Variants in ANKRD44 observed in about 807,000 individuals in gnomAD.
The protein encoded by ANKRD44 is serine/threonine-protein phosphatase 6 regulatory ankyrin repeat subunit B.
A neutral mutation model predicts 116.0 loss-of-function variants in ANKRD44; 35 were observed. The ratio of observed to expected loss-of-function variants is 0.30; its 90% confidence interval spans 0.23 to 0.40. The LOEUF is 0.40. Among genes scored for constraint, ANKRD44 ranks in the 10% least tolerant of loss-of-function variants. The probability of loss-of-function intolerance (pLI) is 1.00; values close to 1 mark genes in which losing one functional copy is unlikely to be tolerated. For synonymous variants in ANKRD44, 435 were observed against 461.8 expected (o/e 0.94, Z 0.74); for missense variants, 1,014 against 1,242.6 (o/e 0.82, Z 2.77).
chr2:197,273,979 AAATATATATATATATATATATATAT>A (rs2082987797), intron 1 of ANKRD44, among the ~76,000 whole-genome samples: 3 of 49,996 alleles, frequency 6.0e-5, no homozygotes, highest in African/African-American at 2.4e-4. Context: ...AAAAAAAAAA[AAATATATATATATATATATATATAT>A]ATATATATAT....
At position 197,032,713 on chromosome 2, in the gene ANKRD44, ATT is replaced by A. The variant is rs1436485836; in HGVS notation, c.1651-7448_1651-7447del. Among the ~76,000 whole-genome samples the A allele has an allele frequency of 7.2e-5, 11 of 152,268 alleles. No homozygotes were observed. The East Asian group carries it at 2.1e-3, about 29-fold the overall frequency. On this transcript the variant is annotated intron_variant, in intron 16 of 27. Coordinates refer to ENST00000282272, the MANE Select transcript of ANKRD44 (RefSeq NM_001195144.2). Reference sequence around the variant, plus strand: ...GGAAGTGTCACTCTTTTATTCATTAATTTCAATAATTATTCATTGATCCCCAT... The same window carrying A: ...GGAAGTGTCACTCTTTTATTCATTAATCAATAATTATTCATTGATCCCCAT...
intron 4 of ANKRD44, among the ~76,000 whole-genome samples, chr2:197,129,481 T>C: frequency 6.6e-6 from 1 of 152,264 alleles, no homozygotes; most frequent in South Asian, 2.1e-4. Context: ...ATTCTGGTAT[T>C]TCCCCCAAAT....
At chr2:196,971,983 C>T (rs1401104808) in intron 21 of ANKRD44, among the ~76,000 whole-genome samples, 1 of 152,200 alleles carries the variant, frequency 6.6e-6, no homozygotes, top group East Asian at 1.9e-4. Context: ...TGCGCCACCA[C>T]TGCAAACACC....
intron 1 of ANKRD44, among the ~76,000 whole-genome samples, chr2:197,200,039 A>G (rs1559144058): frequency 6.6e-6 from 1 of 152,238 alleles, no homozygotes; most frequent in East Asian, 1.9e-4. Context: ...TGAAATATAC[A>G]AAAGAAATGT....
chr2:197,274,407 C>T (rs2083014095), intron 1 of ANKRD44, among the ~76,000 whole-genome samples: 1 of 152,198 alleles, frequency 6.6e-6, no homozygotes, highest in African/African-American at 2.4e-5. Flanking sequence ...GTGGTCAGCA[C>T]ATGGCCTCCA....
intron 1 of ANKRD44, among the ~76,000 whole-genome samples, chr2:197,234,694 C>G (rs2081942429): frequency 6.6e-6 from 1 of 152,074 alleles, no homozygotes; most frequent in Non-Finnish European, 1.5e-5. Flanking sequence ...TTGGTGGTTC[C>G]CAATTTCCAC....
chr2:197,304,524 A>G (rs2084011698), intron 1 of ANKRD44, among the ~76,000 whole-genome samples: 1 of 152,186 alleles, frequency 6.6e-6, no homozygotes, highest in Non-Finnish European at 1.5e-5. Flanking sequence ...AAGAAATGCT[A>G]TAACACAAAC....
chr2:197,302,120 G>A (rs1236129688), intron 1 of ANKRD44: 1 of 153,284 alleles, frequency 6.5e-6, no homozygotes, highest in Non-Finnish European at 1.5e-5. Flanking sequence ...TAAATAGGAG[G>A]AGGCCAGTGG....
At chr2:197,001,514 C>T (rs908069592) in intron 22 of ANKRD44, among the ~76,000 whole-genome samples, 1 of 152,194 alleles carries the variant, frequency 6.6e-6, no homozygotes, top group African/African-American at 2.4e-5. Context: ...TCTCACTCTA[C>T]CCCTTCACGA....
intron 13 of ANKRD44, 123 bp from the exon 14 acceptor site, chr2:197,083,632 G>A (rs2077849593): frequency 9.8e-7 from 1 of 1,022,264 alleles, no homozygotes; most frequent in South Asian, 2.2e-5. Context: ...AGTGTGTGGA[G>A]GCCAAAGTCA....
At chr2:197,186,006 T>C (rs1350113944) in intron 2 of ANKRD44, among the ~76,000 whole-genome samples, 2 of 152,188 alleles carry the variant, frequency 1.3e-5, no homozygotes, top group Non-Finnish European at 2.9e-5. Flanking sequence ...AATGAATGAG[T>C]ATGGCCGTGT....
rs529073534 is a variant in ANKRD44, at chr2:197,099,869, G to A, written c.1047C>T (p.Tyr349=). The change falls in exon 10 of 28, where the codon TAC becomes TAT. Residue 349 remains tyrosine (Y), a synonymous_variant. Transcript: ENST00000282272. The part of the protein sequence containing the change: ...GNTPLHVAAR[Y]GHELLINTLI... ...AGGTGTTAATCAAAAGCTCATGACC[G>A]TATCTTGCAGCCACATGGAGAGGAG... 23 of 1,614,110 alleles carry A rather than the reference G, an allele frequency of 1.4e-5. No individual in the cohort carries two copies. Among genetic ancestry groups the A allele is most frequent in the African/African-American group, 1.2e-4 (9 of 75,026 alleles).
chr2:197,131,192 C>CTT (rs11313608), intron 4 of ANKRD44, among the ~76,000 whole-genome samples: 2 of 130,090 alleles, frequency 1.5e-5, no homozygotes, highest in Admixed American at 7.8e-5. Flanking sequence ...ATAGTAAGTA[C>CTT]TTTTTTTTTT....
chr2:196,979,104 G>T (rs2075780246), intron 21 of ANKRD44, among the ~76,000 whole-genome samples: 1 of 151,994 alleles, frequency 6.6e-6, no homozygotes, highest in South Asian at 2.1e-4. Flanking sequence ...AGAATGAATA[G>T]CATCTGCAGG....
chr2:197,284,015 C>T (rs2083336874), intron 1 of ANKRD44, among the ~76,000 whole-genome samples: 1 of 152,176 alleles, frequency 6.6e-6, no homozygotes, highest in Non-Finnish European at 1.5e-5. Flanking sequence ...CTACTGTCTC[C>T]TCTCCCCGTT....
At chr2:197,238,396 C>T (rs2082019297) in intron 1 of ANKRD44, among the ~76,000 whole-genome samples, 1 of 152,200 alleles carries the variant, frequency 6.6e-6, no homozygotes, top group Non-Finnish European at 1.5e-5. Flanking sequence ...CTGTTCTGAA[C>T]ATTGCCTAGT....
At chr2:197,211,826 G>A (rs936725501) in intron 1 of ANKRD44, among the ~76,000 whole-genome samples, 2 of 151,788 alleles carry the variant, frequency 1.3e-5, no homozygotes, top group African/African-American at 4.8e-5. Flanking sequence ...ATAGTGGGGG[G>A]CAGCAAGCAG....
chr2:197,276,225 A>C (rs1215258893), intron 1 of ANKRD44, among the ~76,000 whole-genome samples: 2 of 151,350 alleles, frequency 1.3e-5, no homozygotes, highest in Non-Finnish European at 2.9e-5. Flanking sequence ...CAGGGGGCTG[A>C]AATCATGCCA....
At chr2:197,001,690 A>G (rs935567998) in intron 22 of ANKRD44, 63 bp downstream of exon 22, 14 of 1,303,132 alleles carry the variant, frequency 1.1e-5, no homozygotes, top group Non-Finnish European at 1.5e-5. Context: ...CTACAAAGCA[A>G]CTTTTCTATG....
Sources: allele counts gnomAD v4.1 joint callset (sites outside exome capture counted in the v4.1 genomes callset), GRCh38; gene constraint gnomAD v4.1.1; transcripts MANE v1.5; gene names NCBI Gene and HGNC (gene_info 2026-07-23, HGNC 2026-07-21).